The following TACC2 variants were observed in gnomAD, a reference collection of about 807,000 sequenced individuals.
The protein encoded by TACC2 is transforming acidic coiled-coil-containing protein 2.
Under a neutral mutation model 227.3 loss-of-function variants are expected in TACC2, and 137 were observed. That is an observed-to-expected ratio of 0.60 (90% CI 0.52 to 0.69). TACC2 has a LOEUF of 0.69. TACC2 is among the 30% of genes least tolerant of loss of function. The pLI, the probability that TACC2 is intolerant of heterozygous loss-of-function variation, is 0.00. For synonymous variants in TACC2, 1,523 were observed against 1,487.5 expected, an observed-to-expected ratio of 1.02 and a Z score of -0.55; for missense variants, 3,470 against 3,694.4, an observed-to-expected ratio of 0.94 and a Z score of 1.57.
rs1046782523 is a variant in TACC2 at position 122,141,339 on chromosome 10, AG to A, written c.5700-2227del. Among the ~76,000 whole-genome samples the A allele has an allele frequency of 6.6e-6, 1 of 151,900 alleles. No individual in the cohort carries two copies. The highest frequency in any genetic ancestry group is 6.6e-5 in the Admixed American group (1 of 15,240). ...GTATGAGCCAACAGGCGGTGGAAGG[AG>A]GGGGGCGCCTTTCTTAAATGAGCTG... On this transcript the variant is annotated intron_variant, in intron 6 of 22. Transcript: ENST00000369005. The surrounding 1 kb of genome is among the most constrained non-coding windows in gnomAD (Gnocchi z 4.3).
chr10:122,050,588 G>T lies in TACC2; in HGVS notation c.146+38G>T. On this transcript the variant is annotated intron_variant, in intron 3 of 22. Transcript: ENST00000369005. The surrounding 1 kb of genome is among the most constrained non-coding windows in gnomAD (Gnocchi z 4.6). ...CTCTGGAGGACTGATGCAGCCCAAG[G>T]ACTGCCCCGCTCATTGCCTGCTCCA... The T allele has an allele frequency of 6.5e-7, 1 of 1,530,454 alleles. No homozygotes were observed. Among genetic ancestry groups the T allele is most frequent in the Non-Finnish European group, 9.0e-7 (1 of 1,106,540 alleles). The allele number at this position is 1,530,454 out of a possible 1,614,324, so 94.8% of individuals were successfully genotyped here. A position where few individuals can be genotyped will look rare whatever the true frequency, so the allele number is the denominator to read the frequency against.
At chr10:122,130,239 G>T (rs964030984) in intron 5 of TACC2, among the ~76,000 whole-genome samples, 1 of 151,838 alleles carries the variant, frequency 6.6e-6, no homozygotes, top group Non-Finnish European at 1.5e-5. Context: ...CAAGTGATCT[G>T]CCCACCTCGG....
chr10:122,068,279 T>A (rs1291808207), intron 3 of TACC2, among the ~76,000 whole-genome samples: 1 of 152,224 alleles, frequency 6.6e-6, no homozygotes, highest in Non-Finnish European at 1.5e-5. Flanking sequence ...AGTCTTTTTA[T>A]AGTAATTCTA....
In TACC2 at chr10:122,195,106, T is replaced by G; in HGVS notation, c.5901T>G (p.Ala1967=). The G allele has an allele frequency of 1.2e-6, 2 of 1,612,390 alleles. No individual in the cohort carries two copies. The highest frequency in any genetic ancestry group is 1.3e-5 in the African/African-American group (1 of 74,796). ...CGACCCCTGTCAAAGCTCCGCCAGC[T>G]CCACCCCCACCACCCCCCGAAGTCA... is the stretch of plus-strand genomic sequence containing the variant. ...ESTTPVKAPP[A]PPPPPPEVIP... is the part of the protein sequence containing the mutation. The change falls in exon 8 of 23, where the codon GCT becomes GCG. Residue 1967 remains alanine (A), a synonymous_variant. Transcript: ENST00000369005.
At chr10:122,204,641 G>T (rs571384983) in intron 8 of TACC2, among the ~76,000 whole-genome samples, 3 of 152,320 alleles carry the variant, frequency 2.0e-5, no homozygotes, top group African/African-American at 7.2e-5. Flanking sequence ...TTTGAGACCA[G>T]CCTGGGCAGC....
At chr10:122,163,766 C>G (rs948560764) in intron 7 of TACC2, 2 of 1,213,574 alleles carry the variant, frequency 1.6e-6, no homozygotes, top group Admixed American at 4.4e-5. Flanking sequence ...GTCGCAGCTC[C>G]CTGCCGCCGC....
chr10:122,012,437 A>AAAAAAAAAAAAAAAAAAAAAC, intron 1 of TACC2, among the ~76,000 whole-genome samples: 1 of 150,370 alleles, frequency 6.7e-6, no homozygotes, highest in Non-Finnish European at 1.5e-5. Flanking sequence ...AAAAAAAAAA[A>AAAAAAAAAAAAAAAAAAAAAC]AAGATGGGGT....
chr10:122,093,325 CT>C (rs1453350252), intron 5 of TACC2, among the ~76,000 whole-genome samples: 2 of 152,120 alleles, frequency 1.3e-5, no homozygotes, highest in Non-Finnish European at 2.9e-5. Flanking sequence ...GGAGCCGCTT[CT>C]CTCTTGTCCT....
Position 122,210,005 on chromosome 10 carries a change from C to T in TACC2, c.5972-392C>T, listed in dbSNP as rs912010641. The T allele has an allele frequency of 2.7e-5, 6 of 221,030 alleles. No homozygotes were observed. In the East Asian group the frequency reaches 3.3e-4, roughly 12 times the overall value. The allele number at this position is 221,030 out of a possible 1,614,324, so 13.7% of individuals were successfully genotyped here. A position where few individuals can be genotyped will look rare whatever the true frequency, so the allele number is the denominator to read the frequency against. On this transcript the variant is annotated intron_variant, in intron 8 of 22. Transcript: ENST00000369005. The surrounding 1 kb of genome is among the most constrained non-coding windows in gnomAD (Gnocchi z 4.6). ...CCATGCCCGGCCCTGGTGGTTTATT[C>T]GCTATCTTCCCCTGAAGAATGTGAC...
chr10:122,077,480 T>A (rs554916764), intron 3 of TACC2, among the ~76,000 whole-genome samples: 28 of 152,192 alleles, frequency 1.8e-4, no homozygotes, highest in African/African-American at 6.7e-4. Flanking sequence ...AGAGTGGAGC[T>A]GCAACCTGGT....
At chr10:122,110,427 G>A (rs1009093647) in intron 5 of TACC2, among the ~76,000 whole-genome samples, 6 of 152,186 alleles carry the variant, frequency 3.9e-5, no homozygotes, top group Admixed American at 3.9e-4. Flanking sequence ...TGTGTGGGTT[G>A]GCCGAGAGTT....
In TACC2 at chr10:122,143,670, C is replaced by T. The variant is rs191364618; in HGVS notation, c.5798C>T (p.Thr1933Ile). 61 of 1,614,082 alleles carry T rather than the reference C, an allele frequency of 3.8e-5. No individual in the cohort carries two copies. The highest frequency in any genetic ancestry group is 4.8e-5 in the Non-Finnish European group (57 of 1,180,044). Residue 1933 changes from threonine (T) to isoleucine (I), a missense_variant, in exon 7 of 23, where the codon ACT becomes ATT. Thr to Ile is a moderately conservative substitution (Grantham distance 89). Coordinates refer to ENST00000369005, the MANE Select transcript of TACC2 (RefSeq NM_206862.4). ...APAGDRVEAS[T>I]PSCPDPAKDL... ...GCTGGTGACAGAGTAGAAGCTTCCACTCCCTCCTGCCCAGATCCGGCCAAG... is the reference window on the plus strand; with the variant it reads ...GCTGGTGACAGAGTAGAAGCTTCCATTCCCTCCTGCCCAGATCCGGCCAAG...
chr10:122,000,265 G>C (rs563882442), intron 1 of TACC2, among the ~76,000 whole-genome samples: 5 of 152,290 alleles, frequency 3.3e-5, no homozygotes, highest in Non-Finnish European at 5.9e-5. Flanking sequence ...TGTAGTCCCA[G>C]CTACTCGCAA....
At chr10:121,995,969 G>A (rs931020979) in intron 1 of TACC2, among the ~76,000 whole-genome samples, 1 of 152,138 alleles carries the variant, frequency 6.6e-6, no homozygotes, top group Non-Finnish European at 1.5e-5. Flanking sequence ...GGCCAGGCTG[G>A]TCTCAAACTC....
intron 19 of TACC2, among the ~76,000 whole-genome samples, chr10:122,243,627 ACT>A (rs1293754967): frequency 6.6e-6 from 1 of 152,038 alleles, no homozygotes; most frequent in African/African-American, 2.4e-5. Context: ...AAAAAAAAAA[ACT>A]CTTGGAGTTG....
At chr10:122,116,900 T>C (rs2084799361) in intron 5 of TACC2, among the ~76,000 whole-genome samples, 1 of 151,900 alleles carries the variant, frequency 6.6e-6, no homozygotes, top group Non-Finnish European at 1.5e-5. Flanking sequence ...CTCCTTTCTT[T>C]CTTTTTTTTT....
intron 5 of TACC2, among the ~76,000 whole-genome samples, chr10:122,124,194 G>A (rs761414343): frequency 1.3e-5 from 2 of 152,132 alleles, no homozygotes; most frequent in Non-Finnish European, 2.9e-5. Flanking sequence ...TAATAACATA[G>A]CCTTCCAACC....
intron 3 of TACC2, among the ~76,000 whole-genome samples, chr10:122,055,964 C>G (rs1831581940): frequency 6.6e-6 from 1 of 152,200 alleles, no homozygotes; most frequent in South Asian, 2.1e-4. Context: ...TGGTGGGGGC[C>G]AAGTCCCATC....
intron 5 of TACC2, among the ~76,000 whole-genome samples, chr10:122,117,564 C>T (rs1443334256): frequency 6.6e-6 from 1 of 152,148 alleles, no homozygotes; most frequent in East Asian, 1.9e-4. Flanking sequence ...GAATATGGGG[C>T]TCTTGTTAGG....
Sources: gnomAD v4.1 joint callset for allele counts (sites outside exome capture counted in the v4.1 genomes callset) on GRCh38, gnomAD v4.1.1 for gene constraint, Gnocchi (gnomAD v3.1) non-coding constraint, MANE v1.5 for transcripts, NCBI Gene and HGNC (gene_info 2026-07-23, HGNC 2026-07-21) for gene names.